Variants in PPP6R3 observed in about 807,000 individuals in gnomAD.
PPP6R3 encodes the protein protein phosphatase 6 regulatory subunit 3.
PPP6R3 carries 38 observed loss-of-function variants against 110.7 expected under a neutral mutation model. The ratio of observed to expected loss-of-function variants is 0.34; its 90% CI spans 0.26 to 0.45. The LOEUF is 0.45. PPP6R3 is among the 20% of genes least tolerant of loss of function. The pLI, the probability that PPP6R3 is intolerant of heterozygous loss-of-function variation, is 1.00. For missense variants in PPP6R3, 870 were observed against 1,062.4 expected, an observed-to-expected ratio of 0.82 and a Z score of 2.52; for synonymous variants, 369 against 373.5, an observed-to-expected ratio of 0.99 and a Z score of 0.14.
chr11:68,490,391 T>C (rs1480088020), intron 1 of PPP6R3, among the ~76,000 whole-genome samples: 1 of 152,104 alleles, frequency 6.6e-6, no homozygotes, highest in Non-Finnish European at 1.5e-5. Context: ...CATTTGACTA[T>C]GATATTGCTC....
intron 14 of PPP6R3, among the ~76,000 whole-genome samples, chr11:68,578,527 A>G (rs1457792510): frequency 6.6e-6 from 1 of 152,228 alleles, no homozygotes; most frequent in Non-Finnish European, 1.5e-5. Context: ...AGGTATATTC[A>G]TAGAAGTGGA....
At chr11:68,563,929 T>A (rs1412965286) in intron 8 of PPP6R3, among the ~76,000 whole-genome samples, 1 of 152,214 alleles carries the variant, frequency 6.6e-6, no homozygotes, top group Non-Finnish European at 1.5e-5. Context: ...TGTTCATTAA[T>A]AACACCCCAA....
At chr11:68,584,750 C>T (rs1452375443) in intron 15 of PPP6R3, among the ~76,000 whole-genome samples, 1 of 152,184 alleles carries the variant, frequency 6.6e-6, no homozygotes, top group African/African-American at 2.4e-5. Context: ...CTTACAACAG[C>T]CCTTGCCAAG....
At position 68,548,166 on chromosome 11, in the gene PPP6R3, T is replaced by C; in HGVS notation, c.514T>C (p.Cys172Arg). The change falls in exon 5 of 24, where the codon TGT (cysteine) becomes CGT (arginine). Residue 172 changes from cysteine (C) to arginine (R), a missense_variant. By Grantham distance (180) the Cys-to-Arg change is radical (BLOSUM62 -3). Transcript: ENST00000393800. ...GGATTTGTTGCTCAGGCTCCTGACG[T>C]GTATCGAACCTCCACAGCCCAGGCA... is the stretch of plus-strand genomic sequence containing the variant. Reference protein sequence around the residue: ...IMDLLLRLLTCIEPPQPRQDV... With the variant: ...IMDLLLRLLTRIEPPQPRQDV... 1 of 1,614,140 alleles carries C rather than the reference T, an allele frequency of 6.2e-7. No homozygotes were observed. The highest frequency in any genetic ancestry group is 1.3e-5 in the African/African-American group (1 of 75,032).
At position 68,544,875 on chromosome 11, in the gene PPP6R3, G is replaced by A; in HGVS notation, c.265G>A (p.Val89Ile). The A allele has an allele frequency of 6.2e-7, 1 of 1,607,518 alleles. No homozygotes were observed. Among genetic ancestry groups the A allele is most frequent in the Middle Eastern group, 1.7e-4 (1 of 6,052 alleles). ...NISCELLTSD[V>I]SQMNDRLGED... ...ATCTTGTGAGTTGCTCACTTCTGAT[G>A]TCTCCCAGATGAATGATAGACTGGG... Residue 89 changes from valine to isoleucine, a missense_variant, in exon 4 of 24, where the codon GTC becomes ATC. Coordinates refer to ENST00000393800, the MANE Select transcript of PPP6R3 (RefSeq NM_001164161.2).
rs1043977368 is a variant in PPP6R3 at position 68,471,400 on chromosome 11, G to A, written c.-158+10573G>A. On this transcript the variant is annotated intron_variant, in intron 1 of 23. Coordinates refer to ENST00000393800, the MANE Select transcript of PPP6R3 (RefSeq NM_001164161.2). ...GAGGCTCTACGGCAGCCTAGAAGGT[G>A]GAAGGAGCAGCTTTGAGGCCTTAGG... Among the ~76,000 whole-genome samples the A allele has an allele frequency of 2.0e-5, 3 of 152,150 alleles. No individual in the cohort carries two copies. In the East Asian group the frequency reaches 5.8e-4, roughly 29 times the overall value.
intron 20 of PPP6R3, among the ~76,000 whole-genome samples, chr11:68,601,260 G>A (rs1206654047): frequency 6.6e-6 from 1 of 152,140 alleles, no homozygotes; most frequent in African/African-American, 2.4e-5. Context: ...TTGGTTACTT[G>A]AGGGTGTGAT....
chr11:68,539,393 C>T lies in PPP6R3; in HGVS notation c.227+1502C>T, dbSNP rs186781224. Among the ~76,000 whole-genome samples, 18 of 152,316 alleles carry T rather than the reference C, an allele frequency of 1.2e-4. No individual in the cohort carries two copies. In the East Asian group the frequency reaches 2.7e-3, roughly 23 times the overall value. On this transcript the variant is annotated intron_variant, in intron 3 of 23. Transcript: ENST00000393800. Reference sequence around the variant, plus strand: ...TTCCACAAAAGTACTGCGCACCCCCCGCCGTTATAACAGTGTGGCACTTGT... The same window carrying T: ...TTCCACAAAAGTACTGCGCACCCCCTGCCGTTATAACAGTGTGGCACTTGT...
Position 68,614,744 on chromosome 11 carries a change from C to A in PPP6R3, c.*1627C>A, listed in dbSNP as rs567415428. 3.3e-6 allele frequency: 5 copies of A among 1,534,970 alleles called. No individual in the cohort carries two copies. The highest frequency in any genetic ancestry group is 8.8e-7 in the Non-Finnish European group (1 of 1,137,154). On this transcript the variant is annotated 3_prime_UTR_variant, in exon 24 of 24. Coordinates refer to ENST00000393800, the MANE Select transcript of PPP6R3 (RefSeq NM_001164161.2). The stretch of plus-strand genomic sequence containing the variant: ...ACGCCTCCTCAGGAACCCCCTTTCC[C>A]GGGTGAGCCCCTCTCTGAAGAGACT...
chr11:68,522,940 C>A (rs1239015037), intron 2 of PPP6R3, among the ~76,000 whole-genome samples: 1 of 152,204 alleles, frequency 6.6e-6, no homozygotes, highest in South Asian at 2.1e-4. Flanking sequence ...TCTTTCTTAT[C>A]TCTGAATTAC....
intron 2 of PPP6R3, among the ~76,000 whole-genome samples, chr11:68,523,167 A>G (rs765344539): frequency 3.3e-5 from 5 of 152,324 alleles, no homozygotes; most frequent in East Asian, 1.9e-4. Flanking sequence ...CGGAATCCCT[A>G]ACAAAATTTG....
At chr11:68,512,711 A>G (rs2099116743) in intron 1 of PPP6R3, among the ~76,000 whole-genome samples, 1 of 152,148 alleles carries the variant, frequency 6.6e-6, no homozygotes, top group African/African-American at 2.4e-5. Flanking sequence ...CTGGTGAAAC[A>G]TTAGGTTTTG....
chr11:68,548,491 A>G (rs984892443), intron 5 of PPP6R3, among the ~76,000 whole-genome samples: 4 of 151,988 alleles, frequency 2.6e-5, no homozygotes, highest in Non-Finnish European at 5.9e-5. Context: ...GTGAGACTTT[A>G]TGGGTTGAGC....
At chr11:68,484,600 A>C (rs2098934735) in intron 1 of PPP6R3, among the ~76,000 whole-genome samples, 1 of 151,306 alleles carries the variant, frequency 6.6e-6, no homozygotes, top group Admixed American at 6.6e-5. Context: ...TAAGATACAT[A>C]TTTTGAGACG....
At position 68,614,429 on chromosome 11, in the gene PPP6R3, T is replaced by C. The variant is rs1421357440; in HGVS notation, c.*1312T>C. 1 of 1,327,890 alleles carries C rather than the reference T, an allele frequency of 7.5e-7. No individual in the cohort carries two copies. The highest frequency in any genetic ancestry group is 1.5e-5 in the African/African-American group (1 of 65,238). 82.3% of individuals were successfully genotyped at this position (1,327,890 alleles called of 1,614,324 possible). A position where few individuals can be genotyped will look rare whatever the true frequency, so the allele number is the denominator to read the frequency against. On this transcript the variant is annotated 3_prime_UTR_variant, in exon 24 of 24. Coordinates refer to ENST00000393800, the MANE Select transcript of PPP6R3 (RefSeq NM_001164161.2). ...GATGCAAATCAGTTTTTCATTTCTGTAATAGAAAATTATTCACGTATTTTT... is the reference window on the plus strand; with the variant it reads ...GATGCAAATCAGTTTTTCATTTCTGCAATAGAAAATTATTCACGTATTTTT...
In PPP6R3 at chr11:68,591,279, C is replaced by T. The variant is rs372944990; in HGVS notation, c.1786-297C>T. ...TTCCTTGCTAGGACAGACCTGGGAC[C>T]GCATCTCCAGGACAGGGGAGGCTCC... On this transcript the variant is annotated intron_variant, in intron 17 of 23. Transcript: ENST00000393800. Among the ~76,000 whole-genome samples the T allele has an allele frequency of 9.9e-5, 15 of 152,144 alleles. No homozygotes were observed. In the South Asian group the frequency reaches 1.5e-3, roughly 15 times the overall value.
intron 2 of PPP6R3, among the ~76,000 whole-genome samples, chr11:68,526,415 A>G (rs2099198275): frequency 6.6e-6 from 1 of 151,824 alleles, no homozygotes; most frequent in Admixed American, 6.6e-5. Flanking sequence ...GATTTTTTGT[A>G]CTTTCTGTGG....
At chr11:68,548,279 G>T in intron 5 of PPP6R3, 75 bp downstream of exon 5, 1 of 1,559,334 alleles carries the variant, frequency 6.4e-7, no homozygotes, top group Non-Finnish European at 8.7e-7. Flanking sequence ...GCTGTGTGCT[G>T]GGAAGGAATG....
At position 68,613,695 on chromosome 11, in the gene PPP6R3, A is replaced by ATTGT. The variant is rs1259010405; in HGVS notation, c.*581_*584dup. On this transcript the variant is annotated 3_prime_UTR_variant, in exon 24 of 24. Coordinates refer to ENST00000393800, the MANE Select transcript of PPP6R3 (RefSeq NM_001164161.2). ...TTTTATAACCAGTTTTTGATTGGTAATTGTTTTCTGTATTGTTTAAAACGG... is the reference window on the plus strand; with the variant it reads ...TTTTATAACCAGTTTTTGATTGGTAATTGTTTGTTTTCTGTATTGTTTAAAACGG... 1 of 983,370 alleles carries ATTGT rather than the reference A, an allele frequency of 1.0e-6. No individual in the cohort carries two copies. Among genetic ancestry groups the ATTGT allele is most frequent in the Non-Finnish European group, 1.2e-6 (1 of 827,810 alleles). 60.9% of individuals were successfully genotyped at this position (983,370 alleles called of 1,614,324 possible). A position where few individuals can be genotyped will look rare whatever the true frequency, so the allele number is the denominator to read the frequency against.
Sources: allele counts gnomAD v4.1 joint callset (sites outside exome capture counted in the v4.1 genomes callset), GRCh38; gene constraint gnomAD v4.1.1; transcripts MANE v1.5; gene names NCBI Gene and HGNC (gene_info 2026-07-23, HGNC 2026-07-21).